The following ZRANB3 variants were observed in gnomAD, a reference collection of about 807,000 sequenced individuals.
ZRANB3 encodes DNA annealing helicase and endonuclease ZRANB3.
In ZRANB3, 125 loss-of-function variants were observed where a neutral mutation model predicts 133.8. That is an observed-to-expected ratio of 0.93 (90% CI 0.81 to 1.08). ZRANB3 has a LOEUF of 1.08. Among genes scored for constraint, ZRANB3 ranks in the 50% least tolerant of loss-of-function variants. The pLI is 0.00. For synonymous variants in ZRANB3, 387 were observed against 432.7 expected (o/e 0.89, Z 1.31); for missense variants, 1,229 against 1,275.5 (o/e 0.96, Z 0.56).
intron 2 of ZRANB3, among the ~76,000 whole-genome samples, chr2:135,452,738 A>G (rs1420662783): frequency 6.6e-6 from 1 of 152,242 alleles, no homozygotes; most frequent in African/African-American, 2.4e-5. Flanking sequence ...GTGGGCTCCC[A>G]TGGTCTTGGG....
intron 8 of ZRANB3, among the ~76,000 whole-genome samples, chr2:135,312,167 ATTTTATTTTATTTTATTTTAT>A (rs1558908095): frequency 1.5e-5 from 2 of 136,748 alleles, no homozygotes; most frequent in East Asian, 2.1e-4. Context: ...TTTTTATTTT[ATTTTATTTTATTTTATTTTAT>A]TTTTATTTTA....
intron 8 of ZRANB3, among the ~76,000 whole-genome samples, chr2:135,291,805 C>A (rs1474881070): frequency 6.8e-6 from 1 of 146,236 alleles, no homozygotes; most frequent in African/African-American, 2.5e-5. Context: ...TCCATGTGTT[C>A]TCATTCTTCA....
At chr2:135,429,053 C>T (rs1689210990) in intron 2 of ZRANB3, among the ~76,000 whole-genome samples, 1 of 152,278 alleles carries the variant, frequency 6.6e-6, no homozygotes, top group Non-Finnish European at 1.5e-5. Context: ...TAAAGGAATA[C>T]AAATTGTTCT....
rs140595878 is a variant in ZRANB3, at chr2:135,381,868, G to T, written c.180+8934C>A. ...ATGGCACCATCATCAAATACCAAAG[G>T]TAGATAAAACCACAAAGATGGGGAA... On this transcript the variant is annotated intron_variant, in intron 3 of 20. Coordinates refer to ENST00000264159, the MANE Select transcript of ZRANB3 (RefSeq NM_032143.4). 3.0e-3 allele frequency among the ~76,000 whole-genome samples: 453 copies of T among 152,142 alleles called. 2 individuals carry two copies. Among genetic ancestry groups the T allele is most frequent in the African/African-American group, 0.01 (429 of 41,514 alleles).
intron 1 of ZRANB3, among the ~76,000 whole-genome samples, chr2:135,527,133 G>C (rs1484998821): frequency 6.6e-6 from 1 of 152,106 alleles, no homozygotes; most frequent in East Asian, 1.9e-4. Flanking sequence ...GCTGTGTCAT[G>C]GGCCATGGTC....
At chr2:135,511,927 G>C in intron 1 of ZRANB3, 1 of 757,364 alleles carries the variant, frequency 1.3e-6, no homozygotes, top group South Asian at 1.4e-5. Flanking sequence ...CAGGGGACTA[G>C]CCTTCTCCAT....
intron 1 of ZRANB3, among the ~76,000 whole-genome samples, chr2:135,516,242 C>A (rs1693694537): frequency 6.6e-6 from 1 of 152,024 alleles, no homozygotes; most frequent in African/African-American, 2.4e-5. Flanking sequence ...TCCAGTTTGC[C>A]AGTCTGTGTC....
chr2:135,494,693 A>G (rs1692585112), intron 2 of ZRANB3, among the ~76,000 whole-genome samples: 1 of 152,142 alleles, frequency 6.6e-6, no homozygotes, highest in Non-Finnish European at 1.5e-5. Context: ...GAAGAATATG[A>G]CCTCAATCTC....
At chr2:135,236,743 A>G (rs1451512553) in intron 12 of ZRANB3, among the ~76,000 whole-genome samples, 1 of 152,192 alleles carries the variant, frequency 6.6e-6, no homozygotes, top group Non-Finnish European at 1.5e-5. Context: ...CATATGTAGA[A>G]AGCTGGAAGT....
intron 1 of ZRANB3, among the ~76,000 whole-genome samples, chr2:135,518,231 G>C (rs144411127): frequency 6.6e-6 from 1 of 152,070 alleles, no homozygotes; most frequent in Non-Finnish European, 1.5e-5. Context: ...TAGAACACTT[G>C]GCTCCCTAGC....
intron 2 of ZRANB3, among the ~76,000 whole-genome samples, chr2:135,425,427 A>C (rs574846795): frequency 6.6e-6 from 1 of 152,340 alleles, no homozygotes; most frequent in Admixed American, 6.5e-5. Context: ...AAAAACATAC[A>C]AAGTTAAGCA....
rs575143337 is a variant in ZRANB3 at position 135,246,965 on chromosome 2, A to G, written c.1540-16038T>C. ...AGTTATTAGAACTGAAGGAGAGGGG[A>G]AAAAAATCTAGTAAAACTCATAAAA... On this transcript the variant is annotated intron_variant, in intron 12 of 20. Coordinates refer to ENST00000264159, the MANE Select transcript of ZRANB3 (RefSeq NM_032143.4). Among the ~76,000 whole-genome samples the G allele has an allele frequency of 3.3e-5, 5 of 152,270 alleles. No individual in the cohort carries two copies. The South Asian group carries it at 6.2e-4, about 19-fold the overall frequency.
chr2:135,331,358 G>A (rs926642648), intron 6 of ZRANB3, among the ~76,000 whole-genome samples: 1 of 152,172 alleles, frequency 6.6e-6, no homozygotes, highest in Non-Finnish European at 1.5e-5. Context: ...CAGTTTCCAT[G>A]TAGTTGTGCA....
At chr2:135,474,391 T>C (rs180895322) in intron 2 of ZRANB3, among the ~76,000 whole-genome samples, 4 of 152,256 alleles carry the variant, frequency 2.6e-5, no homozygotes, top group African/African-American at 9.6e-5. Flanking sequence ...AATTTCTTAT[T>C]AAAATGTGAT....
intron 12 of ZRANB3, among the ~76,000 whole-genome samples, chr2:135,244,385 C>A (rs931961498): frequency 6.6e-6 from 1 of 152,152 alleles, no homozygotes; most frequent in African/African-American, 2.4e-5. Context: ...GCGGGCAGAT[C>A]ACTTGAGGTC....
At chr2:135,238,848 AG>A (rs1695427000) in intron 12 of ZRANB3, 1 of 152,214 alleles carries the variant, frequency 6.6e-6, no homozygotes, top group Non-Finnish European at 1.5e-5. Context: ...GCCCCAGAAA[AG>A]CTCCCAGGTG....
chr2:135,529,034 C>G (rs1694278414), intron 1 of ZRANB3, among the ~76,000 whole-genome samples: 1 of 152,220 alleles, frequency 6.6e-6, no homozygotes, highest in Non-Finnish European at 1.5e-5. Context: ...CTCTCTTCCT[C>G]ACAACTTTTG....
chr2:135,390,675 TTCTC>T, intron 3 of ZRANB3, 123 bp downstream of exon 3: 1 of 1,355,946 alleles, frequency 7.4e-7, no homozygotes, highest in Non-Finnish European at 1.0e-6. Context: ...CCTCCCATCT[TTCTC>T]TCTCTCCCCA....
chr2:135,518,419 T>C (rs1693788347), intron 1 of ZRANB3, among the ~76,000 whole-genome samples: 1 of 152,140 alleles, frequency 6.6e-6, no homozygotes, highest in South Asian at 2.1e-4. Context: ...GGTCTGTGGG[T>C]TACGAAGCCC....
Sources: gnomAD v4.1 joint callset for allele counts (sites outside exome capture counted in the v4.1 genomes callset) on GRCh38, gnomAD v4.1.1 for gene constraint, MANE v1.5 for transcripts, NCBI Gene and HGNC (gene_info 2026-07-23, HGNC 2026-07-21) for gene names.